Variants in TSGA10 observed in about 807,000 individuals in gnomAD.
TSGA10 encodes testis specific 10, also known as testis-specific gene 10 protein.
Under a neutral mutation model 96.6 loss-of-function variants are expected in TSGA10, and 43 were observed. The observed-to-expected ratio is 0.44, with a 90% confidence interval of 0.35 to 0.57. The LOEUF (loss-of-function observed/expected upper bound fraction) is 0.57, where lower values mean the gene tolerates loss of function less well. TSGA10 is among the 20% of genes least tolerant of loss of function. TSGA10 has a pLI of 0.01. For missense variants in TSGA10, 703 were observed against 834.4 expected (o/e 0.84, Z 1.94); for synonymous variants, 229 against 269.9 (o/e 0.85, Z 1.48).
Position 99,105,670 on chromosome 2 carries a change from G to A in TSGA10, c.238C>T (p.Arg80Ter). The A allele has an allele frequency of 6.3e-7, 1 of 1,590,824 alleles. No homozygotes were observed. Among genetic ancestry groups the A allele is most frequent in the South Asian group, 1.1e-5 (1 of 90,118 alleles). The stretch of plus-strand genomic sequence containing the variant: ...CTCTTACAGCTTTTCATCATTTCTC[G>A]TCGAAGTCGGGTAATTTCTTCCTGT... ...QAQEEITRLR[R>*]EMMKSCKSPK... The change falls in exon 8 of 21, where the codon CGA becomes TGA. Residue 80 changes from arginine (R) to a stop codon, truncating the protein, a stop_gained. Coordinates refer to ENST00000393483, the MANE Select transcript of TSGA10 (RefSeq NM_025244.4). LOFTEE classifies it high-confidence loss of function.
In TSGA10 at chr2:99,018,461, C is replaced by T. The variant is rs1333423009; in HGVS notation, c.1922+75G>A. ...TCTAACCATCATGAAAGAACTAAAA[C>T]CTCTTGTTACCTAAGAAACAATGCT... is the stretch of plus-strand genomic sequence containing the variant. On this transcript the variant is annotated intron_variant, in intron 19 of 20. Transcript: ENST00000393483. The T allele has an allele frequency of 2.6e-6, 4 of 1,565,958 alleles. No homozygotes were observed. In the African/African-American group the frequency reaches 4.1e-5, roughly 16 times the overall value.
chr2:99,053,268 A>G (rs1027736028), intron 16 of TSGA10, among the ~76,000 whole-genome samples: 14 of 152,014 alleles, frequency 9.2e-5, no homozygotes, highest in Admixed American at 2.0e-4. Flanking sequence ...TTATCATGAT[A>G]CCAGAGCAAG....
intron 20 of TSGA10, among the ~76,000 whole-genome samples, chr2:99,002,983 T>G (rs2078078090): frequency 1.3e-5 from 2 of 152,068 alleles, no homozygotes; most frequent in Admixed American, 1.3e-4. Context: ...CTCAGCCTTC[T>G]GAGTAGCTGA....
chr2:99,153,806 T>C (rs1323479207), intron 1 of TSGA10, among the ~76,000 whole-genome samples: 1 of 152,238 alleles, frequency 6.6e-6, no homozygotes, highest in Non-Finnish European at 1.5e-5. Context: ...GTCTTCATTG[T>C]AGCTTTATAT....
At chr2:99,028,009 C>T (rs4850895) in intron 17 of TSGA10, among the ~76,000 whole-genome samples, 139,399 of 152,198 alleles carry the variant, frequency 0.92, 63,977 homozygotes, top group Middle Eastern at 0.97. Flanking sequence ...ATATAGCCTC[C>T]GATGTTGCTC....
At position 99,000,217 on chromosome 2, in the gene TSGA10, C is replaced by G. The variant is rs934195377; in HGVS notation, c.2073-1996G>C. Among the ~76,000 whole-genome samples, 3 of 151,032 alleles carry G rather than the reference C, an allele frequency of 2.0e-5. No homozygotes were observed. In the East Asian group the frequency reaches 5.9e-4, roughly 30 times the overall value. ...TGAAACCCTGTCTCTACTAAAAATA[C>G]AAAAACTAGGCCAGGTGTGGTGGCT... On this transcript the variant is annotated intron_variant, in intron 20 of 20. Transcript: ENST00000393483.
intron 3 of TSGA10, 122 bp downstream of exon 3, chr2:99,118,429 T>C (rs539944493): frequency 3.5e-6 from 1 of 283,564 alleles, no homozygotes; most frequent in Admixed American, 7.5e-5. Context: ...CCAGCCTTGG[T>C]GACACAGCAA....
At chr2:99,001,285 T>C (rs536603044) in intron 20 of TSGA10, among the ~76,000 whole-genome samples, 28 of 152,028 alleles carry the variant, frequency 1.8e-4, no homozygotes, top group Non-Finnish European at 3.7e-4. Flanking sequence ...AGAGGAAGGA[T>C]CAGGCAGCAA....
chr2:99,078,443 G>GA, intron 12 of TSGA10, among the ~76,000 whole-genome samples: 1 of 152,000 alleles, frequency 6.6e-6, no homozygotes, highest in South Asian at 2.1e-4. Context: ...ATTCATGATA[G>GA]AAAAATCAAC....
At chr2:99,058,000 G>A (rs765078405) in intron 16 of TSGA10, among the ~76,000 whole-genome samples, 5 of 152,062 alleles carry the variant, frequency 3.3e-5, no homozygotes, top group Non-Finnish European at 7.4e-5. Context: ...ATGGTGGGGG[G>A]AGGGGAGAAA....
chr2:99,023,679 T>C (rs546195266), intron 17 of TSGA10, among the ~76,000 whole-genome samples: 1 of 152,348 alleles, frequency 6.6e-6, no homozygotes, highest in South Asian at 2.1e-4. Context: ...TCCTAGCACC[T>C]GTATTTTGAA....
At chr2:99,062,181 GC>G (rs1281704874) in intron 16 of TSGA10, among the ~76,000 whole-genome samples, 1 of 151,958 alleles carries the variant, frequency 6.6e-6, no homozygotes, top group Non-Finnish European at 1.5e-5. Flanking sequence ...CTATTAACAA[GC>G]CTAATCTGTA....
At chr2:99,042,076 T>C (rs1230739107) in intron 16 of TSGA10, among the ~76,000 whole-genome samples, 6 of 145,922 alleles carry the variant, frequency 4.1e-5, no homozygotes, top group African/African-American at 1.6e-4. Context: ...AGGGTCTTAC[T>C]CTGTTGCCCA....
intron 4 of TSGA10, among the ~76,000 whole-genome samples, chr2:99,113,670 C>A (rs527870317): frequency 1.3e-5 from 2 of 152,240 alleles, no homozygotes; most frequent in African/African-American, 4.8e-5. Flanking sequence ...CTCAGCCTCC[C>A]GGGTAGCTGG....
intron 16 of TSGA10, among the ~76,000 whole-genome samples, chr2:99,038,274 G>A (rs1291855167): frequency 6.6e-6 from 1 of 152,020 alleles, no homozygotes; most frequent in East Asian, 1.9e-4. Flanking sequence ...CAGGCAACAA[G>A]TAGCATAATG....
chr2:99,064,752 T>G (rs1267398140), intron 16 of TSGA10, among the ~76,000 whole-genome samples, 187 bp downstream of exon 16: 1 of 152,194 alleles, frequency 6.6e-6, no homozygotes, highest in Non-Finnish European at 1.5e-5. Context: ...TAATGATTGT[T>G]CTGGATGTAG....
intron 12 of TSGA10, among the ~76,000 whole-genome samples, chr2:99,073,772 T>C (rs2086260873): frequency 1.3e-5 from 2 of 152,126 alleles, no homozygotes; most frequent in Non-Finnish European, 1.5e-5. Context: ...ATGCCTTTAA[T>C]ACCATTCCCA....
At chr2:99,144,252 A>G (rs2093608935) in intron 1 of TSGA10, among the ~76,000 whole-genome samples, 1 of 151,746 alleles carries the variant, frequency 6.6e-6, no homozygotes, top group Non-Finnish European at 1.5e-5. Flanking sequence ...CGATCTCCTG[A>G]CCTCATGACC....
intron 17 of TSGA10, among the ~76,000 whole-genome samples, chr2:99,021,125 A>T (rs2079967272): frequency 6.6e-6 from 1 of 151,902 alleles, no homozygotes; most frequent in African/African-American, 2.4e-5. Flanking sequence ...GAAAACAATT[A>T]TTCCTTATCT....
Sources: gnomAD v4.1 joint callset for allele counts (sites outside exome capture counted in the v4.1 genomes callset) on GRCh38, gnomAD v4.1.1 for gene constraint, MANE v1.5 for transcripts, NCBI Gene and HGNC (gene_info 2026-07-23, HGNC 2026-07-21) for gene names.